Variants in ITPR1 observed in about 807,000 individuals in gnomAD.
ITPR1 encodes inositol 1,4,5-trisphosphate receptor type 1.
In ITPR1, 96 loss-of-function variants were observed where a neutral mutation model predicts 318.4. That is an observed-to-expected ratio of 0.30 (90% CI 0.26 to 0.36). The LOEUF (loss-of-function observed/expected upper bound fraction) is 0.36. Ranked by LOEUF, ITPR1 falls within the 10% of genes least tolerant of loss-of-function variation. ITPR1 has a pLI of 1.00. For synonymous variants in ITPR1, 1,312 were observed against 1,289.9 expected (o/e 1.02, Z -0.37); for missense variants, 2,440 against 3,460.2 (o/e 0.71, Z 7.40).
intron 6 of ITPR1, 116 bp from the exon 7 acceptor site, chr3:4,641,977 A>G: frequency 1.3e-6 from 1 of 760,436 alleles, no homozygotes; most frequent in African/African-American, 1.8e-5. Context: ...CTCTGGCTTC[A>G]CCAGCAGCTC....
chr3:4,511,826 G>A (rs915843999), intron 2 of ITPR1, among the ~76,000 whole-genome samples: 2 of 152,158 alleles, frequency 1.3e-5, no homozygotes, highest in East Asian at 3.8e-4. Context: ...AGGAATTGCG[G>A]GGAGGATGGT....
intron 55 of ITPR1, among the ~76,000 whole-genome samples, chr3:4,808,168 A>G (rs1383128270): frequency 6.6e-6 from 1 of 152,256 alleles, no homozygotes; most frequent in Non-Finnish European, 1.5e-5. Flanking sequence ...TTACAGGGAC[A>G]GCCGTTTTGT....
chr3:4,678,425 T>G (rs1308041455), intron 24 of ITPR1, among the ~76,000 whole-genome samples: 1 of 152,174 alleles, frequency 6.6e-6, no homozygotes, highest in Non-Finnish European at 1.5e-5. Context: ...CTTGGTCACA[T>G]CTTGAGGTCC....
chr3:4,534,698 G>A (rs866831731), intron 4 of ITPR1, among the ~76,000 whole-genome samples: 3 of 152,180 alleles, frequency 2.0e-5, no homozygotes, highest in Admixed American at 6.5e-5. Flanking sequence ...CTTCTGAAAT[G>A]TCTGGATGTT....
intron 4 of ITPR1, among the ~76,000 whole-genome samples, chr3:4,620,324 A>G (rs1010185648): frequency 3.3e-5 from 5 of 152,152 alleles, no homozygotes; most frequent in African/African-American, 1.2e-4. Context: ...CCCAAGATTT[A>G]GTCTCCTGCA....
chr3:4,501,487 G>A (rs369960068), intron 2 of ITPR1, among the ~76,000 whole-genome samples: 2 of 152,342 alleles, frequency 1.3e-5, no homozygotes, highest in African/African-American at 4.8e-5. Context: ...ATCCTCAAGT[G>A]ATTCACACAC....
intron 4 of ITPR1, among the ~76,000 whole-genome samples, chr3:4,611,630 A>G (rs888839995): frequency 2.6e-5 from 4 of 151,674 alleles, no homozygotes; most frequent in African/African-American, 7.3e-5. Context: ...GTGTAGTTCC[A>G]GGTACTCGGG....
At chr3:4,823,668 G>C (rs549407864) in intron 60 of ITPR1, among the ~76,000 whole-genome samples, 1 of 152,260 alleles carries the variant, frequency 6.6e-6, no homozygotes, top group Admixed American at 6.5e-5. Flanking sequence ...GGAAGAGTGA[G>C]TTAGGGGAAA....
chr3:4,554,002 C>T (rs971061006), intron 4 of ITPR1, among the ~76,000 whole-genome samples: 1 of 151,964 alleles, frequency 6.6e-6, no homozygotes, highest in African/African-American at 2.4e-5. Context: ...CTTGGCATCC[C>T]AAAGTGCTCG....
intron 4 of ITPR1, among the ~76,000 whole-genome samples, chr3:4,613,894 C>A (rs1290478222): frequency 6.6e-6 from 1 of 152,032 alleles, no homozygotes; most frequent in East Asian, 1.9e-4. Context: ...TCCACATGGC[C>A]CACACTCAGA....
At chr3:4,758,122 A>T (rs2045147602) in intron 44 of ITPR1, among the ~76,000 whole-genome samples, 1 of 152,226 alleles carries the variant, frequency 6.6e-6, no homozygotes, top group African/African-American at 2.4e-5. Context: ...ATCATTCTGC[A>T]GCAGGTAAGT....
intron 42 of ITPR1, among the ~76,000 whole-genome samples, chr3:4,730,914 G>A (rs754590822): frequency 3.3e-5 from 5 of 152,098 alleles, no homozygotes; most frequent in Non-Finnish European, 7.4e-5. Flanking sequence ...CGGCTTACGG[G>A]TCTCAGCCCA....
At chr3:4,621,018 G>A (rs896857605) in intron 4 of ITPR1, among the ~76,000 whole-genome samples, 1 of 151,098 alleles carries the variant, frequency 6.6e-6, no homozygotes, top group African/African-American at 2.4e-5. Context: ...ATTTCAGCTT[G>A]GATGTTTCGT....
At chr3:4,560,061 A>G (rs2086521898) in intron 4 of ITPR1, among the ~76,000 whole-genome samples, 1 of 152,202 alleles carries the variant, frequency 6.6e-6, no homozygotes, top group Non-Finnish European at 1.5e-5. Context: ...CATCTGTAAA[A>G]TGGAGAAAAT....
chr3:4,707,569 T>C (rs1207978805), intron 37 of ITPR1, among the ~76,000 whole-genome samples: 1 of 152,178 alleles, frequency 6.6e-6, no homozygotes, highest in African/African-American at 2.4e-5. Flanking sequence ...GTCAAGGCAG[T>C]CTCAAAGGTT....
intron 4 of ITPR1, among the ~76,000 whole-genome samples, chr3:4,543,845 A>G (rs2084705165): frequency 6.6e-6 from 1 of 152,234 alleles, no homozygotes. Flanking sequence ...TTAGAAATCC[A>G]GAGATAGGCA....
intron 4 of ITPR1, among the ~76,000 whole-genome samples, chr3:4,542,887 C>T (rs2084599421): frequency 6.6e-6 from 1 of 152,132 alleles, no homozygotes; most frequent in Non-Finnish European, 1.5e-5. Flanking sequence ...TCTCTGGATT[C>T]CCTTCTATAT....
intron 11 of ITPR1, 63 bp from the exon 12 acceptor site, chr3:4,653,779 G>A: frequency 1.6e-6 from 2 of 1,240,260 alleles, no homozygotes; most frequent in Admixed American, 1.9e-5. Flanking sequence ...TCTCCTGCAA[G>A]TGGGGCCCAG....
rs1361808610 is a variant in ITPR1 at position 4,836,839 on chromosome 3, A to G, written c.8094A>G (p.Gly2698=). ...AMSLVSSDSE[G]EQNELRNLQE... Reference sequence around the variant, plus strand: ...CATTGGTCAGCAGTGATTCTGAAGGAGAACAGAATGAGCTGAGAAACCTGC... The same window carrying G: ...CATTGGTCAGCAGTGATTCTGAAGGGGAACAGAATGAGCTGAGAAACCTGC... Residue 2698 remains glycine, a synonymous_variant, in exon 61 of 62, where the codon GGA becomes GGG. Transcript: ENST00000649015. 5 of 1,578,724 alleles carry G rather than the reference A, an allele frequency of 3.2e-6. No homozygotes were observed. The African/African-American group carries it at 6.8e-5, about 21-fold the overall frequency.
Sources: gnomAD v4.1 joint callset for allele counts (sites outside exome capture counted in the v4.1 genomes callset) on GRCh38, gnomAD v4.1.1 for gene constraint, MANE v1.5 for transcripts, NCBI Gene and HGNC (gene_info 2026-07-23, HGNC 2026-07-21) for gene names.